ARRB1: variants seen among roughly 807,000 people sequenced by gnomAD.
ARRB1 encodes the protein arrestin beta 1.
A neutral mutation model predicts 56.8 loss-of-function variants in ARRB1; 21 were observed. The ratio of observed to expected loss-of-function variants is 0.37; its 90% confidence interval spans 0.26 to 0.53. ARRB1 has a LOEUF of 0.53. ARRB1 is among the 20% of genes least tolerant of loss of function. The probability of loss-of-function intolerance (pLI) is 0.88; values close to 1 mark genes in which losing one functional copy is unlikely to be tolerated. For missense variants in ARRB1, 424 were observed against 553.7 expected, an observed-to-expected ratio of 0.77 and a Z score of 2.35; for synonymous variants, 210 against 218.6, an observed-to-expected ratio of 0.96 and a Z score of 0.35.
At chr11:75,288,127 T>A (rs1474158185) in intron 2 of ARRB1, among the ~76,000 whole-genome samples, 2 of 152,198 alleles carry the variant, frequency 1.3e-5, no homozygotes, top group African/African-American at 4.8e-5. Flanking sequence ...CCTCCCAAAG[T>A]GCTGGGATTA....
At chr11:75,342,710 C>T (rs115616410) in intron 1 of ARRB1, among the ~76,000 whole-genome samples, 246 of 152,210 alleles carry the variant, frequency 1.6e-3, no homozygotes, top group African/African-American at 5.5e-3. Context: ...GAATGGAGCG[C>T]GCCCTCCAGA....
chr11:75,286,255 CTTTTTTTTTTTTTTTTT>C (rs60988072), intron 3 of ARRB1, among the ~76,000 whole-genome samples: 1 of 38,678 alleles, frequency 2.6e-5, no homozygotes, highest in Non-Finnish European at 4.4e-5. Context: ...ATTTGCTCAT[CTTTTTTTTTTTTTTTTT>C]TTTTTTTTTT....
At chr11:75,336,613 G>A (rs576629879) in intron 1 of ARRB1, among the ~76,000 whole-genome samples, 2 of 152,312 alleles carry the variant, frequency 1.3e-5, no homozygotes, top group South Asian at 4.1e-4. Context: ...TGAGATGCGA[G>A]ACTGAGACTG....
chr11:75,285,948 C>T (rs1173002041), intron 3 of ARRB1, among the ~76,000 whole-genome samples: 1 of 152,206 alleles, frequency 6.6e-6, no homozygotes, highest in East Asian at 1.9e-4. Context: ...CTCTGAGAGG[C>T]CACCTCAGGG....
chr11:75,324,386 C>T (rs144250148), intron 1 of ARRB1, among the ~76,000 whole-genome samples: 108 of 152,260 alleles, frequency 7.1e-4, no homozygotes, highest in East Asian at 1.4e-3. Context: ...TTTATCTGCC[C>T]GTGCGAAGCT....
chr11:75,336,590 C>A (rs1374145033), intron 1 of ARRB1, among the ~76,000 whole-genome samples: 1 of 152,098 alleles, frequency 6.6e-6, no homozygotes. Flanking sequence ...CAGGAGTGAG[C>A]TGAGGGGTTT....
intron 1 of ARRB1, among the ~76,000 whole-genome samples, chr11:75,294,796 G>T (rs1946693301): frequency 1.3e-5 from 2 of 152,018 alleles, no homozygotes; most frequent in Admixed American, 1.3e-4. Context: ...GCTTGCTCTG[G>T]CCAGTGAAAT....
intron 13 of ARRB1, 92 bp from the exon 14 acceptor site, chr11:75,269,051 G>A (rs570843769): frequency 1.4e-6 from 2 of 1,403,530 alleles, no homozygotes; most frequent in Non-Finnish European, 2.0e-6. Flanking sequence ...GGACTGCAGA[G>A]GGTTTTGCCG....
intron 2 of ARRB1, among the ~76,000 whole-genome samples, chr11:75,288,236 AC>A (rs1278155940): frequency 6.6e-6 from 1 of 152,224 alleles, no homozygotes; most frequent in African/African-American, 2.4e-5. Flanking sequence ...AAATAGATAT[AC>A]ATTGTGGAAA....
intron 4 of ARRB1, among the ~76,000 whole-genome samples, chr11:75,283,767 T>TGACAGGCTTGGCGGGGGCTG (rs1407385671): frequency 4.6e-5 from 7 of 151,530 alleles, no homozygotes; most frequent in African/African-American, 1.7e-4. Context: ...GGAAACGGTC[T>TGACAGGCTTGGCGGGGGCTG]GACAGGCTTG....
At chr11:75,303,614 GC>G (rs1946954889) in intron 1 of ARRB1, 1 of 456,120 alleles carries the variant, frequency 2.2e-6, no homozygotes, top group Non-Finnish European at 4.4e-6. Context: ...GAAGGTACAG[GC>G]CCCGGTGTCG....
intron 1 of ARRB1, among the ~76,000 whole-genome samples, chr11:75,327,465 C>A (rs1412949990): frequency 2.6e-5 from 4 of 151,954 alleles, no homozygotes; most frequent in Non-Finnish European, 5.9e-5. Context: ...CATCAACCAG[C>A]AGAAAAAATA....
Position 75,292,600 on chromosome 11 carries a change from C to T in ARRB1, c.21-2561G>A, listed in dbSNP as rs959468641. Among the ~76,000 whole-genome samples the T allele has an allele frequency of 4.6e-5, 7 of 152,124 alleles. No homozygotes were observed. The East Asian group carries it at 7.7e-4, about 17-fold the overall frequency. ...GCAGAGAAGACCAGAGAAGTGGCAC[C>T]GGCCACAAGGGACTCCACCTGCTTC... On this transcript the variant is annotated intron_variant, in intron 1 of 15. Transcript: ENST00000420843.
In ARRB1 at chr11:75,337,931, C is replaced by A. The variant is rs537935952; in HGVS notation, c.20+13657G>T. 6.2e-4 allele frequency among the ~76,000 whole-genome samples: 94 copies of A among 150,814 alleles called. 4 individuals carry two copies. In the South Asian group the frequency reaches 0.019, roughly 31 times the overall value. ...AAGGGTGTGAGCCACCGCACCCAGG[C>A]TAAAATGTTTTTAAGTTCAACCTGA... On this transcript the variant is annotated intron_variant, in intron 1 of 15. Coordinates refer to ENST00000420843, the MANE Select transcript of ARRB1 (RefSeq NM_004041.5).
At chr11:75,309,543 A>T (rs2140479122) in intron 1 of ARRB1, among the ~76,000 whole-genome samples, 1 of 152,248 alleles carries the variant, frequency 6.6e-6, no homozygotes, top group Non-Finnish European at 1.5e-5. Context: ...AACCCCTACC[A>T]CAGCAAGCGG....
At position 75,283,489 on chromosome 11, in the gene ARRB1, G is replaced by A; in HGVS notation, c.158-6C>T. ...GCAGGTCAGCGTCACATAGACTGTG[G>A]GGAGCGAGGAGCACTGAGGAGGGGC... On this transcript the variant is annotated splice_polypyrimidine_tract_variant and splice_region_variant and intron_variant, in intron 4 of 15. Transcript: ENST00000420843. 1.2e-6 allele frequency: 2 copies of A among 1,601,090 alleles called. No homozygotes were observed. The highest frequency in any genetic ancestry group is 1.7e-6 in the Non-Finnish European group (2 of 1,172,306).
rs1226147224 is a variant in ARRB1, at chr11:75,282,102, T to C, written c.355-81A>G. 17 of 1,486,730 alleles carry C rather than the reference T, an allele frequency of 1.1e-5. No homozygotes were observed. In the Admixed American group the frequency reaches 1.6e-4, roughly 14 times the overall value. 92.1% of individuals were successfully genotyped at this position (1,486,730 alleles called of 1,614,324 possible). A position where few individuals can be genotyped will look rare whatever the true frequency, so the allele number is the denominator to read the frequency against. Reference sequence around the variant, plus strand: ...ATGTATTGCAGCCCAGACACTCCCATACACCCATCAGACCAAGGGCCCCAG... The same window carrying C: ...ATGTATTGCAGCCCAGACACTCCCACACACCCATCAGACCAAGGGCCCCAG... On this transcript the variant is annotated intron_variant, in intron 5 of 15. Coordinates refer to ENST00000420843, the MANE Select transcript of ARRB1 (RefSeq NM_004041.5).
intron 8 of ARRB1, 70 bp from the exon 9 acceptor site, chr11:75,277,518 A>G: frequency 7.2e-7 from 1 of 1,392,756 alleles, no homozygotes; most frequent in East Asian, 2.3e-5. Flanking sequence ...GGAGGGAGAA[A>G]AGCCCCCACG....
At chr11:75,282,067 G>A in intron 5 of ARRB1, 46 bp from the exon 6 acceptor site, 1 of 1,601,904 alleles carries the variant, frequency 6.2e-7, no homozygotes, top group Non-Finnish European at 8.6e-7. Context: ...ATCCACCACT[G>A]TCCTGTCTCA....
Sources: gnomAD v4.1 joint callset for allele counts (sites outside exome capture counted in the v4.1 genomes callset) on GRCh38, gnomAD v4.1.1 for gene constraint, MANE v1.5 for transcripts, NCBI Gene and HGNC (gene_info 2026-07-23, HGNC 2026-07-21) for gene names.